Variants in NFAT5 observed in about 807,000 individuals in gnomAD.
The protein encoded by NFAT5 is nuclear factor of activated T cells 5.
A neutral mutation model predicts 166.5 loss-of-function variants in NFAT5; 31 were observed. That is an observed-to-expected ratio of 0.19 (90% CI 0.14 to 0.25). The LOEUF is 0.25. Among genes scored for constraint, NFAT5 ranks in the 10% least tolerant of loss-of-function variants. The pLI, the probability that NFAT5 is intolerant of heterozygous loss-of-function variation, is 1.00. For synonymous variants in NFAT5, 612 were observed against 639.7 expected, an observed-to-expected ratio of 0.96 and a Z score of 0.65; for missense variants, 1,449 against 1,821.8, an observed-to-expected ratio of 0.80 and a Z score of 3.72.
intron 10 of NFAT5, among the ~76,000 whole-genome samples, chr16:69,680,606 G>C (rs558797742): frequency 4.6e-5 from 7 of 152,186 alleles, no homozygotes; most frequent in South Asian, 2.1e-4. Flanking sequence ...AGCATATTTT[G>C]TATGTTACAG....
intron 2 of NFAT5, among the ~76,000 whole-genome samples, chr16:69,594,295 A>G (rs1255811371): frequency 6.6e-6 from 1 of 152,230 alleles, no homozygotes; most frequent in Non-Finnish European, 1.5e-5. Context: ...ACTGAACTAA[A>G]TACTGTAGAC....
rs61460423 is a variant in NFAT5, at chr16:69,587,944, C to CTTT, written c.127+19420_127+19422dup. Among the ~76,000 whole-genome samples the CTTT allele has an allele frequency of 4.0e-4, 27 of 68,252 alleles. 1 individual carries two copies. The highest frequency in any genetic ancestry group is 5.5e-4 in the African/African-American group (10 of 18,020). 44.8% of individuals were successfully genotyped at this position (68,252 alleles called of 152,430 possible). ...GCACTTTGGTAATTTATAGTGCTTT[C>CTTT]TTTTTTTTTTTTTTTTTTTTTTTTT... On this transcript the variant is annotated intron_variant, in intron 2 of 14. Coordinates refer to ENST00000349945, the MANE Select transcript of NFAT5 (RefSeq NM_138713.4).
At chr16:69,605,964 C>T (rs568893853) in intron 2 of NFAT5, among the ~76,000 whole-genome samples, 83 of 152,296 alleles carry the variant, frequency 5.4e-4, no homozygotes, top group African/African-American at 1.9e-3. Flanking sequence ...CCACCCGCCT[C>T]GGCCTCCCAA....
At chr16:69,683,303 G>A (rs1360782415) in intron 10 of NFAT5, among the ~76,000 whole-genome samples, 1 of 152,128 alleles carries the variant, frequency 6.6e-6, no homozygotes, top group African/African-American at 2.4e-5. Flanking sequence ...TGTCTGAGGT[G>A]GGCAGATTGC....
At chr16:69,617,611 C>T (rs1668421891) in intron 2 of NFAT5, among the ~76,000 whole-genome samples, 2 of 152,016 alleles carry the variant, frequency 1.3e-5, no homozygotes, top group Admixed American at 1.3e-4. Context: ...CTACCTCAGC[C>T]TCCCGAGTAG....
chr16:69,623,043 GCTGAGGCAGGAGAATCACT>G (rs2034275802), intron 2 of NFAT5, among the ~76,000 whole-genome samples: 1 of 152,054 alleles, frequency 6.6e-6, no homozygotes, highest in Non-Finnish European at 1.5e-5. Context: ...AACTTGGGAG[GCTGAGGCAGGAGAATCACT>G]TGGACCTGTG....
In NFAT5 at chr16:69,692,362, C is replaced by A; in HGVS notation, c.2537C>A (p.Ala846Glu). ...GAGAATGTTCAAGAGCAGCTTAGTG[C>A]AGATATTTTTCAACAAGTCAGTCAA... ...GNENVQEQLSADIFQQVSQIQ... is the reference protein window; with the variant it reads ...GNENVQEQLSEDIFQQVSQIQ... The change falls in exon 13 of 15, where the codon GCA (alanine) becomes GAA (glutamate). Residue 846 changes from alanine (A) to glutamate (E), a missense_variant. By Grantham distance (107) the Ala-to-Glu change is moderately radical. Transcript: ENST00000349945. 1 of 1,614,180 alleles carries A rather than the reference C, an allele frequency of 6.2e-7. No homozygotes were observed. The highest frequency in any genetic ancestry group is 8.5e-7 in the Non-Finnish European group (1 of 1,180,042).
At chr16:69,677,413 C>A in intron 10 of NFAT5, 78 bp downstream of exon 10, 6 of 1,234,868 alleles carry the variant, frequency 4.9e-6, no homozygotes, top group Non-Finnish European at 6.6e-6. Context: ...AGATGACTAG[C>A]CAACCAAAAA....
intron 3 of NFAT5, among the ~76,000 whole-genome samples, chr16:69,634,417 A>C (rs2034863613): frequency 6.6e-6 from 1 of 152,192 alleles, no homozygotes; most frequent in African/African-American, 2.4e-5. Flanking sequence ...AAAAGTGTCC[A>C]ATAAACTGTA....
In NFAT5 at chr16:69,683,759, C is replaced by T. The variant is rs562755867; in HGVS notation, c.1691-1128C>T. 1.2e-3 allele frequency among the ~76,000 whole-genome samples: 175 copies of T among 151,918 alleles called. 1 individual carries two copies. Among genetic ancestry groups the T allele is most frequent in the Non-Finnish European group, 1.9e-3 (128 of 67,946 alleles). On this transcript the variant is annotated intron_variant, in intron 10 of 14. Coordinates refer to ENST00000349945, the MANE Select transcript of NFAT5 (RefSeq NM_138713.4). Reference sequence around the variant, plus strand: ...TCACTTAAAGTCAAAAGTTTGAGACCCAGCTTGGCCAGCACGGTGAAACCC... The same window carrying T: ...TCACTTAAAGTCAAAAGTTTGAGACTCAGCTTGGCCAGCACGGTGAAACCC...
At chr16:69,650,349 G>A (rs1172451026) in intron 4 of NFAT5, among the ~76,000 whole-genome samples, 1 of 151,886 alleles carries the variant, frequency 6.6e-6, no homozygotes, top group Non-Finnish European at 1.5e-5. Context: ...AAGCATTAGT[G>A]GATGTTTTCA....
intron 6 of NFAT5, among the ~76,000 whole-genome samples, chr16:69,659,128 AT>A (rs1226607304): frequency 0.045 from 6,654 of 146,294 alleles, 467 homozygotes; most frequent in African/African-American, 0.15. Flanking sequence ...GTATTTTTTT[AT>A]TTTTTTTTTT....
chr16:69,584,510 A>T (rs570925704), intron 2 of NFAT5, among the ~76,000 whole-genome samples: 24 of 152,070 alleles, frequency 1.6e-4, no homozygotes, highest in African/African-American at 5.8e-4. Context: ...TTGATTTTTT[A>T]GTAGAGACAG....
chr16:69,653,531 C>A, intron 5 of NFAT5, 103 bp downstream of exon 5: 7 of 668,980 alleles, frequency 1.0e-5, no homozygotes, highest in Non-Finnish European at 1.1e-5. Context: ...TTTCTTCCCT[C>A]ATATTTGATA....
intron 2 of NFAT5, among the ~76,000 whole-genome samples, chr16:69,620,642 G>A (rs1239981608): frequency 6.6e-6 from 1 of 152,072 alleles, no homozygotes; most frequent in Non-Finnish European, 1.5e-5. Flanking sequence ...CCCTAGTCTT[G>A]GCCGACTGAA....
intron 11 of NFAT5, among the ~76,000 whole-genome samples, chr16:69,686,983 TAGG>T (rs1274598914): frequency 1.3e-5 from 2 of 152,188 alleles, no homozygotes; most frequent in South Asian, 2.1e-4. Context: ...AATTAATTCT[TAGG>T]AGGAGAAAAA....
intron 3 of NFAT5, among the ~76,000 whole-genome samples, chr16:69,637,623 CTTA>C (rs1296511653): frequency 2.0e-5 from 3 of 152,170 alleles, no homozygotes; most frequent in Non-Finnish European, 2.9e-5. Flanking sequence ...TCTTGTGAGA[CTTA>C]TTATCTGTCA....
In NFAT5 at chr16:69,566,871, G is replaced by C. The variant is rs1342302226; in HGVS notation, c.73+497G>C. On this transcript the variant is annotated intron_variant, in intron 1 of 14. Coordinates refer to ENST00000349945, the MANE Select transcript of NFAT5 (RefSeq NM_138713.4). The surrounding 1 kb of genome is among the most constrained non-coding windows in gnomAD (Gnocchi z 5.7). ...GGGTCACCATTTTCCTCCCTTTCCAGCTTGTTTTTGCGCCGTCGTTCCACC... is the reference window on the plus strand; with the variant it reads ...GGGTCACCATTTTCCTCCCTTTCCACCTTGTTTTTGCGCCGTCGTTCCACC... Among the ~76,000 whole-genome samples the C allele has an allele frequency of 6.6e-6, 1 of 152,124 alleles. No individual in the cohort carries two copies. The highest frequency in any genetic ancestry group is 6.5e-5 in the Admixed American group (1 of 15,278).
At chr16:69,652,386 A>G (rs1194462243) in intron 4 of NFAT5, among the ~76,000 whole-genome samples, 1 of 151,032 alleles carries the variant, frequency 6.6e-6, no homozygotes, top group Admixed American at 6.6e-5. Context: ...CAGGAAACAG[A>G]GGTTACAGTG....
Sources: gnomAD v4.1 joint callset for allele counts (sites outside exome capture counted in the v4.1 genomes callset) on GRCh38, gnomAD v4.1.1 for gene constraint, Gnocchi (gnomAD v3.1) non-coding constraint, MANE v1.5 for transcripts, NCBI Gene and HGNC (gene_info 2026-07-23, HGNC 2026-07-21) for gene names.